Variants in RESF1 observed in about 807,000 individuals in gnomAD.
RESF1 encodes the protein gonad expressed transcript.
A neutral mutation model predicts 134.7 loss-of-function variants in RESF1; 65 were observed. That is an observed-to-expected ratio of 0.48 (90% CI 0.40 to 0.59). The LOEUF is 0.59. Among genes scored for constraint, RESF1 ranks in the 20% least tolerant of loss-of-function variants. RESF1 has a pLI of 0.00. For synonymous variants in RESF1, 762 were observed against 702.2 expected, an observed-to-expected ratio of 1.09 and a Z score of -1.35; for missense variants, 2,274 against 2,002.7, an observed-to-expected ratio of 1.14 and a Z score of -2.59.
At chr12:31,977,020 T>C (rs1308646881) in intron 3 of RESF1, among the ~76,000 whole-genome samples, 1 of 152,240 alleles carries the variant, frequency 6.6e-6, no homozygotes, top group Non-Finnish European at 1.5e-5. Context: ...GTATTGCGAA[T>C]ATAATCTTCT....
At chr12:31,976,977 C>T (rs1939649980) in intron 3 of RESF1, among the ~76,000 whole-genome samples, 1 of 152,116 alleles carries the variant, frequency 6.6e-6, no homozygotes, top group Non-Finnish European at 1.5e-5. Context: ...TTACGTAATT[C>T]CCTATATAGG....
chr12:31,992,153 G>A (rs1202723198), intron 5 of RESF1, among the ~76,000 whole-genome samples: 4 of 152,116 alleles, frequency 2.6e-5, no homozygotes, highest in African/African-American at 9.7e-5. Context: ...ATGAGGATGG[G>A]GCAAGGAGGC....
chr12:31,961,715 C>T (rs1287284284), intron 2 of RESF1, among the ~76,000 whole-genome samples: 3 of 152,080 alleles, frequency 2.0e-5, no homozygotes, highest in Non-Finnish European at 4.4e-5. Context: ...TTAGGAAGTA[C>T]CTGTCACTAC....
chr12:31,964,140 AC>A (rs1236694660), intron 2 of RESF1, among the ~76,000 whole-genome samples: 7 of 151,048 alleles, frequency 4.6e-5, no homozygotes, highest in Non-Finnish European at 8.8e-5. Flanking sequence ...TTTTTATTTA[AC>A]TTTTGTTTTA....
intron 3 of RESF1, among the ~76,000 whole-genome samples, chr12:31,970,567 C>CATCAGA (rs535783974): frequency 1.6e-3 from 237 of 152,294 alleles, no homozygotes; most frequent in African/African-American, 5.4e-3. Flanking sequence ...TCACATTTGA[C>CATCAGA]AGTTTTAAGT....
At chr12:31,978,812 C>G (rs1939698680) in intron 3 of RESF1, among the ~76,000 whole-genome samples, 1 of 150,598 alleles carries the variant, frequency 6.6e-6, no homozygotes, top group African/African-American at 2.4e-5. Flanking sequence ...ACCCCTGCCT[C>G]AGCCTCCCAA....
In RESF1 at chr12:31,984,546, T is replaced by A; in HGVS notation, c.3591T>A (p.Ser1197=). ...AGTGTAATTCCATCAAGAACTCATCTTCAGAGGAAGAGAAACAAAAAGAGC... is the reference window on the plus strand; with the variant it reads ...AGTGTAATTCCATCAAGAACTCATCATCAGAGGAAGAGAAACAAAAAGAGC... The part of the protein sequence containing the change: ...QCQCNSIKNS[S]SEEEKQKEQC... Residue 1197 remains serine (S), a synonymous_variant, in exon 4 of 6, where the codon TCT becomes TCA. Coordinates refer to ENST00000312561, the MANE Select transcript of RESF1 (RefSeq NM_018169.4). 6.3e-7 allele frequency: 1 copy of A among 1,590,298 alleles called. No individual in the cohort carries two copies. Among genetic ancestry groups the A allele is most frequent in the South Asian group, 1.1e-5 (1 of 87,682 alleles).
chr12:31,983,012 A>T lies in RESF1; in HGVS notation c.2057A>T (p.Asp686Val). The T allele has an allele frequency of 6.2e-7, 1 of 1,614,122 alleles. No homozygotes were observed. The highest frequency in any genetic ancestry group is 8.5e-7 in the Non-Finnish European group (1 of 1,180,006). ...CLSLWKKQPS[D>V]TAKEKECDKL... ...TCCCTGTGGAAAAAGCAACCTTCAG[A>T]TACTGCAAAAGAAAAGGAGTGTGAT... is the stretch of plus-strand genomic sequence containing the variant. Residue 686 changes from aspartate to valine, a missense_variant, in exon 4 of 6, where the codon GAT (aspartate) becomes GTT (valine). Asp to Val is a radical substitution (Grantham distance 152). Coordinates refer to ENST00000312561, the MANE Select transcript of RESF1 (RefSeq NM_018169.4).
chr12:31,984,602 A>G lies in RESF1; in HGVS notation c.3647A>G (p.Lys1216Arg), dbSNP rs747011529. ...QCSPLDTNSC[K>R]QGERTSDRDV... ...TCTCCTTTGGATACCAACAGTTGTAAACAAGGAGAGAGAACTTCTGATAGA... is the reference window on the plus strand; with the variant it reads ...TCTCCTTTGGATACCAACAGTTGTAGACAAGGAGAGAGAACTTCTGATAGA... The change falls in exon 4 of 6, where the codon AAA becomes AGA. Residue 1216 changes from lysine (K) to arginine (R), a missense_variant. Physicochemically the swap from Lys to Arg is conservative, Grantham distance 26 (BLOSUM62 2). Coordinates refer to ENST00000312561, the MANE Select transcript of RESF1 (RefSeq NM_018169.4). 1 of 1,578,568 alleles carries G rather than the reference A, an allele frequency of 6.3e-7. No individual in the cohort carries two copies. Among genetic ancestry groups the G allele is most frequent in the Non-Finnish European group, 8.6e-7 (1 of 1,167,104 alleles).
Position 31,984,955 on chromosome 12 carries a change from C to T in RESF1, c.4000C>T (p.Leu1334=). Residue 1334 remains leucine (L), a synonymous_variant, in exon 4 of 6, where the codon CTA becomes TTA. Transcript: ENST00000312561. ...KKHVTQNSRP[L]KTKTAFLPNK... The stretch of plus-strand genomic sequence containing the variant: ...ACATGTAACACAGAACTCACGTCCA[C>T]TAAAAACAAAAACAGCTTTTTTGCC... 6.2e-7 allele frequency: 1 copy of T among 1,613,150 alleles called. No individual in the cohort carries two copies. Among genetic ancestry groups the T allele is most frequent in the Non-Finnish European group, 8.5e-7 (1 of 1,179,754 alleles).
intron 5 of RESF1, among the ~76,000 whole-genome samples, chr12:31,990,333 A>G (rs1466418215): frequency 6.6e-6 from 1 of 152,238 alleles, no homozygotes; most frequent in Non-Finnish European, 1.5e-5. Flanking sequence ...AGTCCAGGAG[A>G]CAAGTCATAC....
chr12:31,982,764 T>C lies in RESF1; in HGVS notation c.1809T>C (p.Asn603=), dbSNP rs750759801. Residue 603 remains asparagine, a synonymous_variant, in exon 4 of 6, where the codon AAT becomes AAC. Transcript: ENST00000312561. Reference sequence around the variant, plus strand: ...AGAAGACAGTATTAAAAGATGCTAATCAAACTATTCAGGATTCTAAACCAG... The same window carrying C: ...AGAAGACAGTATTAAAAGATGCTAACCAAACTATTCAGGATTCTAAACCAG... ...KTQKTVLKDA[N]QTIQDSKPDS... is the part of the protein sequence containing the mutation. 4.8e-5 allele frequency: 77 copies of C among 1,613,982 alleles called. No homozygotes were observed. The highest frequency in any genetic ancestry group is 6.2e-5 in the Non-Finnish European group (73 of 1,180,014).
chr12:31,985,275 T>G lies in RESF1; in HGVS notation c.4320T>G (p.Phe1440Leu), dbSNP rs1592264694. 6.2e-7 allele frequency: 1 copy of G among 1,612,224 alleles called. No homozygotes were observed. The highest frequency in any genetic ancestry group is 2.2e-5 in the East Asian group (1 of 44,860). The change falls in exon 4 of 6, where the codon TTT (phenylalanine) becomes TTG (leucine). Residue 1440 changes from phenylalanine (F) to leucine (L), a missense_variant. By Grantham distance (22) the Phe-to-Leu change is conservative (BLOSUM62 0). Transcript: ENST00000312561. Reference protein sequence around the residue: ...SVDTKASSSKFSRILTPKEYL... With the variant: ...SVDTKASSSKLSRILTPKEYL... Reference sequence around the variant, plus strand: ...ACACGAAAGCGAGTTCATCTAAATTTAGTAGAATTCTAACTCCTAAGGAGT... The same window carrying G: ...ACACGAAAGCGAGTTCATCTAAATTGAGTAGAATTCTAACTCCTAAGGAGT...
At chr12:31,980,744 T>C (rs1405585162) in intron 3 of RESF1, 134 bp from the exon 4 acceptor site, 3 of 481,980 alleles carry the variant, frequency 6.2e-6, no homozygotes, top group African/African-American at 6.0e-5. Flanking sequence ...CCTCTATTGC[T>C]CCTCTTCTTC....
At position 31,983,471 on chromosome 12, in the gene RESF1, A is replaced by G. The variant is rs778272686; in HGVS notation, c.2516A>G (p.Lys839Arg). ...TKIFPLTQKE[K>R]QNESTNGNSE... is the part of the protein sequence containing the mutation. ...ATTTTTCCACTAACTCAGAAGGAAA[A>G]GCAGAATGAGTCAACTAATGGTAAT... The change falls in exon 4 of 6, where the codon AAG becomes AGG. Residue 839 changes from lysine to arginine, a missense_variant. Lys to Arg is a conservative substitution (Grantham distance 26). Coordinates refer to ENST00000312561, the MANE Select transcript of RESF1 (RefSeq NM_018169.4). 3 of 1,614,086 alleles carry G rather than the reference A, an allele frequency of 1.9e-6. No homozygotes were observed. The highest frequency in any genetic ancestry group is 3.3e-5 in the Admixed American group (2 of 60,016).
chr12:31,992,378 ATAATGT>A lies in RESF1; in HGVS notation c.5092_5097del (p.Val1698_Asn1699del), dbSNP rs1252268973. On this transcript the variant is annotated inframe_deletion and splice_region_variant, in exon 6 of 6. Transcript: ENST00000312561. ...TAAGTAAAGTTTTTATTTCCCTTAG[ATAATGT>A]TAATTCAAGACTCTCGAAGAGAAGC... The A allele has an allele frequency of 6.2e-7, 1 of 1,607,012 alleles. No individual in the cohort carries two copies. Among genetic ancestry groups the A allele is most frequent in the Admixed American group, 1.7e-5 (1 of 58,330 alleles).
Position 31,977,486 on chromosome 12 carries a change from C to G in RESF1, c.-78-3392C>G, listed in dbSNP as rs546560859. Among the ~76,000 whole-genome samples, 213 of 152,274 alleles carry G rather than the reference C, an allele frequency of 1.4e-3. 1 individual carries two copies. The highest frequency in any genetic ancestry group is 5.0e-3 in the African/African-American group (207 of 41,558). ...ACAGGCGTGGGCCACCATGCCTGGC[C>G]TGTTTCTGGAAACTTTAAAACGATA... On this transcript the variant is annotated intron_variant, in intron 3 of 5. Coordinates refer to ENST00000312561, the MANE Select transcript of RESF1 (RefSeq NM_018169.4).
rs1388735950 is a variant in RESF1, at chr12:31,992,553, G to A, written c.*18G>A. The A allele has an allele frequency of 6.2e-7, 1 of 1,608,428 alleles. No individual in the cohort carries two copies. Among genetic ancestry groups the A allele is most frequent in the East Asian group, 2.2e-5 (1 of 44,798 alleles). On this transcript the variant is annotated 3_prime_UTR_variant, in exon 6 of 6. Transcript: ENST00000312561. ...TAAAATAATTACAAGATGTGGTTTT[G>A]TAATTGCCACTGGGAAATTTCTTTC...
chr12:31,973,660 G>A (rs1939563585), intron 3 of RESF1, among the ~76,000 whole-genome samples: 1 of 143,658 alleles, frequency 7.0e-6, no homozygotes, highest in Non-Finnish European at 1.5e-5. Flanking sequence ...CTATGCCAGT[G>A]AAGGAGAGGG....
Sources: gnomAD v4.1 joint callset for allele counts (sites outside exome capture counted in the v4.1 genomes callset) on GRCh38, gnomAD v4.1.1 for gene constraint, MANE v1.5 for transcripts, NCBI Gene and HGNC (gene_info 2026-07-23, HGNC 2026-07-21) for gene names.